MAGI1: variants seen among roughly 807,000 people sequenced by gnomAD.
MAGI1 encodes the protein membrane-associated guanylate kinase, WW and PDZ domain-containing protein 1.
MAGI1 carries 58 observed loss-of-function variants against 139.9 expected under a neutral mutation model. The observed-to-expected ratio is 0.41, with a 90% CI of 0.34 to 0.52. The LOEUF (loss-of-function observed/expected upper bound fraction) is 0.52. Among genes scored for constraint, MAGI1 ranks in the 20% least tolerant of loss-of-function variants. MAGI1 has a pLI of 0.12. For missense variants in MAGI1, 1,874 were observed against 1,901.6 expected (o/e 0.99, Z 0.27); for synonymous variants, 812 against 737.9 (o/e 1.10, Z -1.63).
At chr3:65,561,134 A>G (rs561502259) in intron 2 of MAGI1, among the ~76,000 whole-genome samples, 1 of 152,308 alleles carries the variant, frequency 6.6e-6, no homozygotes, top group Admixed American at 6.5e-5. Flanking sequence ...CCAGGTAGAA[A>G]AAGCTTTTAT....
intron 1 of MAGI1, among the ~76,000 whole-genome samples, chr3:65,804,191 C>T (rs745569090): frequency 6.6e-6 from 1 of 152,034 alleles, no homozygotes; most frequent in East Asian, 1.9e-4. Flanking sequence ...CTGGCAGAGA[C>T]CCTGCGTGGC....
intron 1 of MAGI1, among the ~76,000 whole-genome samples, chr3:65,974,190 A>C (rs538062295): frequency 6.6e-6 from 1 of 152,186 alleles, no homozygotes; most frequent in African/African-American, 2.4e-5. Context: ...TTGCTCCTTC[A>C]AAGCATGGAT....
chr3:65,839,665 G>C (rs967271461), intron 1 of MAGI1, among the ~76,000 whole-genome samples: 5 of 152,108 alleles, frequency 3.3e-5, no homozygotes, highest in African/African-American at 1.2e-4. Context: ...AAACACAGGA[G>C]AATACTTTCA....
chr3:65,739,186 G>A (rs950565957), intron 1 of MAGI1, among the ~76,000 whole-genome samples: 1 of 152,184 alleles, frequency 6.6e-6, no homozygotes, highest in African/African-American at 2.4e-5. Flanking sequence ...AGTACTTGCT[G>A]CTGCATCTTG....
intron 1 of MAGI1, among the ~76,000 whole-genome samples, chr3:65,778,041 T>C (rs2038609847): frequency 6.6e-6 from 1 of 152,204 alleles, no homozygotes; most frequent in Non-Finnish European, 1.5e-5. Context: ...TACATCATAT[T>C]AGGCCATTTT....
At chr3:65,454,199 C>T (rs539853894) in intron 5 of MAGI1, among the ~76,000 whole-genome samples, 141 of 152,294 alleles carry the variant, frequency 9.3e-4, no homozygotes, top group African/African-American at 3.3e-3. Context: ...GTGGGGCAAA[C>T]AACTCCAGTC....
chr3:65,970,946 T>C (rs1295170683), intron 1 of MAGI1, among the ~76,000 whole-genome samples: 5 of 152,220 alleles, frequency 3.3e-5, no homozygotes, highest in African/African-American at 1.2e-4. Flanking sequence ...GGCTCATGCC[T>C]GTAATCCCAG....
intron 14 of MAGI1, among the ~76,000 whole-genome samples, chr3:65,384,216 A>T (rs1246917398): frequency 6.6e-6 from 1 of 152,252 alleles, no homozygotes; most frequent in Non-Finnish European, 1.5e-5. Flanking sequence ...AAATTACTCT[A>T]AAACATCCTA....
intron 1 of MAGI1, among the ~76,000 whole-genome samples, chr3:65,650,371 C>T (rs914894872): frequency 1.3e-5 from 2 of 152,210 alleles, no homozygotes; most frequent in African/African-American, 2.4e-5. Flanking sequence ...CATGCCCACA[C>T]AAAAACCTGT....
intron 1 of MAGI1, among the ~76,000 whole-genome samples, chr3:65,806,800 T>C (rs535113559): frequency 6.6e-6 from 1 of 152,288 alleles, no homozygotes; most frequent in African/African-American, 2.4e-5. Context: ...TAGATGCCAG[T>C]AGCACACCCC....
At position 65,425,317 on chromosome 3, in the gene MAGI1, T is replaced by G. The variant is rs183023725; in HGVS notation, c.2167+4203A>C. Among the ~76,000 whole-genome samples, 413 of 152,260 alleles carry G rather than the reference T, an allele frequency of 2.7e-3. 1 individual carries two copies. Among genetic ancestry groups the G allele is most frequent in the Non-Finnish European group, 3.8e-3 (256 of 68,018 alleles). ...TAATCTATGTACATCATGCCCATTT[T>G]TTTCAGAAGTCTAACTAAGCTCAGA... On this transcript the variant is annotated intron_variant, in intron 12 of 22. Coordinates refer to ENST00000402939, the MANE Select transcript of MAGI1 (RefSeq NM_001033057.2).
intron 2 of MAGI1, among the ~76,000 whole-genome samples, chr3:65,611,344 A>AT (rs2083093028): frequency 7.0e-6 from 1 of 143,450 alleles, no homozygotes; most frequent in Non-Finnish European, 1.5e-5. Context: ...TACATATACT[A>AT]TATAGAGTAT....
chr3:65,475,656 A>G (rs888443672), intron 4 of MAGI1, among the ~76,000 whole-genome samples: 3 of 152,110 alleles, frequency 2.0e-5, no homozygotes, highest in Admixed American at 2.0e-4. Flanking sequence ...TTTTAGGTCA[A>G]TAATTTGGGC....
At chr3:65,567,338 A>G (rs1447895590) in intron 2 of MAGI1, among the ~76,000 whole-genome samples, 1 of 152,166 alleles carries the variant, frequency 6.6e-6, no homozygotes, top group African/African-American at 2.4e-5. Context: ...TGACTGTGTA[A>G]AAAGTATGAA....
intron 1 of MAGI1, among the ~76,000 whole-genome samples, chr3:65,864,781 G>A (rs1436010616): frequency 6.6e-6 from 1 of 152,134 alleles, no homozygotes; most frequent in Non-Finnish European, 1.5e-5. Context: ...TGGAAGTCCT[G>A]CCTACTCAAC....
chr3:65,712,921 C>A (rs1184343665), intron 1 of MAGI1, among the ~76,000 whole-genome samples: 1 of 152,174 alleles, frequency 6.6e-6, no homozygotes, highest in Non-Finnish European at 1.5e-5. Context: ...GATGTCTCTG[C>A]AAATCTCAGC....
intron 1 of MAGI1, among the ~76,000 whole-genome samples, chr3:65,864,658 G>A (rs1354753572): frequency 1.3e-5 from 2 of 152,160 alleles, no homozygotes; most frequent in African/African-American, 4.8e-5. Context: ...AGAAGGTGAA[G>A]AATGGAGTGG....
rs200637894 is a variant in MAGI1, at chr3:65,356,594, C to A, written c.4173G>T (p.Ser1391=). The change falls in exon 23 of 23, where the codon TCG becomes TCT. Residue 1391 remains serine, a synonymous_variant. Transcript: ENST00000402939. ...CGGTGGACTTGGCCCTGCGCTCGGGCGAGCCCCCTCTCCTGCGCTCGGGGG... is the reference window on the plus strand; with the variant it reads ...CGGTGGACTTGGCCCTGCGCTCGGGAGAGCCCCCTCTCCTGCGCTCGGGGG... ...RRSPERRRGG[S]PERRAKSTDR... is the part of the protein sequence containing the mutation. The A allele has an allele frequency of 6.3e-7, 1 of 1,595,440 alleles. No individual in the cohort carries two copies. Among genetic ancestry groups the A allele is most frequent in the Non-Finnish European group, 8.5e-7 (1 of 1,171,708 alleles).
chr3:65,652,685 T>A (rs931528058), intron 1 of MAGI1, among the ~76,000 whole-genome samples: 22 of 152,168 alleles, frequency 1.4e-4, no homozygotes, highest in African/African-American at 5.3e-4. Flanking sequence ...AGAATGACTG[T>A]CACCATTTAG....
Sources: allele counts gnomAD v4.1 joint callset (sites outside exome capture counted in the v4.1 genomes callset), GRCh38; gene constraint gnomAD v4.1.1; transcripts MANE v1.5; gene names NCBI Gene and HGNC (gene_info 2026-07-23, HGNC 2026-07-21).